Variants in ZNF83 observed in about 807,000 individuals in gnomAD.
The protein encoded by ZNF83 is zinc finger protein 83, also known as zinc finger protein 816B.
For synonymous variants in ZNF83, 209 were observed against 213.0 expected (o/e 0.98, Z 0.17); for missense variants, 552 against 629.9 (o/e 0.88, Z 1.32).
At chr19:52,679,156 A>T (rs1791094728) in intron 1 of ZNF83, among the ~76,000 whole-genome samples, 1 of 152,208 alleles carries the variant, frequency 6.6e-6, no homozygotes, top group South Asian at 2.1e-4. Flanking sequence ...GAAATGAACA[A>T]CAGTTCAGTC....
chr19:52,613,821 A>G lies in ZNF83; in HGVS notation c.744T>C (p.Leu248=), dbSNP rs184914383. 8.7e-6 allele frequency: 14 copies of G among 1,613,836 alleles called. No homozygotes were observed. The Admixed American group carries it at 1.8e-4, about 21-fold the overall frequency. ...CAGTATGAATGATCAGATGTTGTAC[A>G]AGGTAGGAATTGCGACTGAACACCT... The change falls in exon 3 of 3, where the codon CTT becomes CTC. Residue 248 remains leucine (L), a synonymous_variant. Coordinates refer to ENST00000301096, the Ensembl canonical transcript of ZNF83.
chr19:52,674,674 G>T (rs1462802374), intron 1 of ZNF83, among the ~76,000 whole-genome samples: 2 of 151,366 alleles, frequency 1.3e-5, no homozygotes, highest in African/African-American at 4.9e-5. Flanking sequence ...ATTTTCTAGA[G>T]AATTTAAACT....
upstream of ZNF83, among the ~76,000 whole-genome samples, chr19:52,642,814 G>A (rs149776679): frequency 0.013 from 2,032 of 152,066 alleles, 55 homozygotes; most frequent in African/African-American, 0.046. Context: ...TGAGCTCAGG[G>A]GTTCAAGACC....
Position 52,626,096 on chromosome 19 carries a change from C to T in ZNF83, c.-234+8970G>A, listed in dbSNP as rs554324107. Among the ~76,000 whole-genome samples the T allele has an allele frequency of 2.6e-5, 4 of 152,238 alleles. No individual in the cohort carries two copies. In the South Asian group the frequency reaches 8.3e-4, roughly 32 times the overall value. ...TGGGACTGAACAACTTCCTATCCCA[C>T]TCATGATACCAAACAGACAAAAAAG... On this transcript the variant is annotated intron_variant, in intron 2 of 2. Transcript: ENST00000301096.
At chr19:52,645,300 T>TA (rs2061357836) in intron 3 of ZNF83, among the ~76,000 whole-genome samples, 2 of 152,002 alleles carry the variant, frequency 1.3e-5, no homozygotes, top group Non-Finnish European at 1.5e-5. Context: ...CAATAAATAA[T>TA]AAAGACTAGA....
chr19:52,622,966 C>T (rs12977499), intron 2 of ZNF83, among the ~76,000 whole-genome samples: 34,475 of 152,158 alleles, frequency 0.23, 3,943 homozygotes, highest in South Asian at 0.28. Context: ...AACTTCAAAA[C>T]GCCTAAGCTG....
At chr19:52,633,572 A>T (rs2061045728) in intron 2 of ZNF83, among the ~76,000 whole-genome samples, 1 of 152,198 alleles carries the variant, frequency 6.6e-6, no homozygotes, top group Non-Finnish European at 1.5e-5. Flanking sequence ...CTTTATGGCC[A>T]AGGGCCTAAG....
intron 1 of ZNF83, among the ~76,000 whole-genome samples, chr19:52,677,978 T>G (rs1238735693): frequency 6.6e-6 from 1 of 151,684 alleles, no homozygotes; most frequent in Non-Finnish European, 1.5e-5. Flanking sequence ...GAGGTTGCAG[T>G]GAGCCAAGAT....
intron 2 of ZNF83, among the ~76,000 whole-genome samples, chr19:52,632,575 C>T (rs1327140206): frequency 6.6e-6 from 1 of 152,160 alleles, no homozygotes; most frequent in Non-Finnish European, 1.5e-5. Context: ...TACACTGTTT[C>T]TCCAAGCCAG....
At chr19:52,665,234 G>A (rs1220981498) in intron 1 of ZNF83, among the ~76,000 whole-genome samples, 1 of 152,090 alleles carries the variant, frequency 6.6e-6, no homozygotes, top group Non-Finnish European at 1.5e-5. Context: ...CCAGGGAGGA[G>A]TGAGGTCACC....
chr19:52,619,854 T>G (rs1023069933), intron 2 of ZNF83, among the ~76,000 whole-genome samples: 2 of 152,026 alleles, frequency 1.3e-5, no homozygotes, highest in Non-Finnish European at 2.9e-5. Flanking sequence ...ACCACTGCAC[T>G]CCAGCCTGTT....
intron 1 of ZNF83, among the ~76,000 whole-genome samples, chr19:52,670,816 A>G (rs938622290): frequency 5.3e-5 from 8 of 152,320 alleles, no homozygotes; most frequent in African/African-American, 1.9e-4. Flanking sequence ...CTTCCAGGCT[A>G]CAGGTAAATT....
chr19:52,612,484 C>CTGTGA, exon 3 of ZNF83: 1 of 155,642 alleles, frequency 6.4e-6, no homozygotes, highest in Non-Finnish European at 1.4e-5. Flanking sequence ...AGTATAAACC[C>CTGTGA]TGTGATGTTC....
At chr19:52,644,781 G>A (rs565272484) in intron 3 of ZNF83, among the ~76,000 whole-genome samples, 41 of 152,112 alleles carry the variant, frequency 2.7e-4, no homozygotes, top group Non-Finnish European at 5.1e-4. Context: ...TTGGGAGGTC[G>A]AGGCAGGTGG....
exon 2 of ZNF83, chr19:52,635,147 G>C (rs2061104907): frequency 1.5e-6 from 1 of 650,076 alleles, no homozygotes; most frequent in South Asian, 2.0e-5. Flanking sequence ...GTCCTTAGAA[G>C]TCAATCCTGA....
intron 1 of ZNF83, among the ~76,000 whole-genome samples, chr19:52,676,760 C>T (rs1165634607): frequency 7.1e-6 from 1 of 139,908 alleles, no homozygotes; most frequent in East Asian, 2.0e-4. Context: ...ACATGGGAGA[C>T]TTTTCATTTT....
At chr19:52,641,262 A>G (rs1337664926), upstream of ZNF83, among the ~76,000 whole-genome samples, 5 of 152,180 alleles carry the variant, frequency 3.3e-5, no homozygotes, top group Non-Finnish European at 2.9e-5. Flanking sequence ...AAGCAGAAAT[A>G]TGGAAGACAC....
intron 3 of ZNF83, among the ~76,000 whole-genome samples, chr19:52,654,630 T>C (rs2061483345): frequency 6.6e-6 from 1 of 152,106 alleles, no homozygotes; most frequent in Non-Finnish European, 1.5e-5. Flanking sequence ...GGCAGGAGAA[T>C]TTCTTGAACC....
intron 2 of ZNF83, among the ~76,000 whole-genome samples, chr19:52,624,571 A>T (rs2060665903): frequency 6.6e-6 from 1 of 152,178 alleles, no homozygotes; most frequent in African/African-American, 2.4e-5. Flanking sequence ...TTCCTTGAAG[A>T]CAGCTCTGGA....
Sources: gnomAD v4.1 joint callset for allele counts (sites outside exome capture counted in the v4.1 genomes callset) on GRCh38, gnomAD v4.1.1 for gene constraint, MANE v1.5 for transcripts, NCBI Gene and HGNC (gene_info 2026-07-23, HGNC 2026-07-21) for gene names.